The following CSMD1 variants were observed in gnomAD, a reference collection of about 807,000 sequenced individuals.
CSMD1 encodes the protein CUB and sushi domain-containing protein 1.
CSMD1 carries 213 observed loss-of-function variants against 417.5 expected under a neutral mutation model. The ratio of observed to expected loss-of-function variants is 0.51; its 90% CI spans 0.46 to 0.57. The LOEUF is 0.57. Among genes scored for constraint, CSMD1 ranks in the 20% least tolerant of loss-of-function variants. The pLI, the probability that CSMD1 is intolerant of heterozygous loss-of-function variation, is 0.00. For synonymous variants in CSMD1, 2,862 were observed against 1,736.8 expected (o/e 1.65, Z -16.11); for missense variants, 6,923 against 4,529.7 (o/e 1.53, Z -15.17).
intron 2 of CSMD1, among the ~76,000 whole-genome samples, chr8:4,611,200 C>A (rs1801149151): frequency 6.6e-6 from 1 of 152,106 alleles, no homozygotes; most frequent in African/African-American, 2.4e-5. Context: ...AGTGTATACA[C>A]AGTTTTTAAA....
chr8:3,617,034 T>C (rs1802174812), intron 7 of CSMD1, among the ~76,000 whole-genome samples: 1 of 152,180 alleles, frequency 6.6e-6, no homozygotes, highest in African/African-American at 2.4e-5. Context: ...CTCTCATTTT[T>C]AAGATGTCAA....
chr8:3,450,270 G>C (rs1392487250), intron 12 of CSMD1, among the ~76,000 whole-genome samples: 1 of 151,824 alleles, frequency 6.6e-6, no homozygotes, highest in Non-Finnish European at 1.5e-5. Context: ...AGGAGTTTCA[G>C]ATCTTCCTAC....
chr8:3,213,857 C>T (rs894036046), intron 30 of CSMD1, among the ~76,000 whole-genome samples: 1 of 146,108 alleles, frequency 6.8e-6, no homozygotes. Context: ...TATACATACA[C>T]ATATATATAT....
chr8:4,851,681 G>A (rs758096400), intron 1 of CSMD1, among the ~76,000 whole-genome samples: 3 of 152,052 alleles, frequency 2.0e-5, no homozygotes, highest in African/African-American at 7.2e-5. Context: ...TCCTCACTAA[G>A]AGTCCCATTG....
chr8:4,527,908 C>T (rs1347268912), intron 2 of CSMD1, among the ~76,000 whole-genome samples: 1 of 152,142 alleles, frequency 6.6e-6, no homozygotes, highest in Non-Finnish European at 1.5e-5. Context: ...AGGCAACCTA[C>T]AGGGCGTGCC....
At chr8:4,761,454 T>A (rs1812039179) in intron 1 of CSMD1, among the ~76,000 whole-genome samples, 1 of 152,186 alleles carries the variant, frequency 6.6e-6, no homozygotes, top group Admixed American at 6.5e-5. Context: ...AAATTTTACC[T>A]GTTTCCTTTA....
Position 4,768,815 on chromosome 8 carries a change from A to G in CSMD1, c.86-131257T>C, listed in dbSNP as rs1201238087. Among the ~76,000 whole-genome samples the G allele has an allele frequency of 3.3e-5, 5 of 152,186 alleles. 1 individual carries two copies. In the South Asian group the frequency reaches 6.2e-4, roughly 19 times the overall value. ...AGAGAGGAATTAATAAAACAAATGG[A>G]AATAGAAGCAGTTATTATTCATATG... On this transcript the variant is annotated intron_variant, in intron 1 of 69. Transcript: ENST00000635120.
chr8:3,086,999 CT>C, intron 49 of CSMD1, 97 bp downstream of exon 49: 13 of 1,124,918 alleles, frequency 1.2e-5, no homozygotes, highest in Non-Finnish European at 1.7e-5. Context: ...TTTTCCTTAC[CT>C]TTTATTCTTA....
intron 25 of CSMD1, among the ~76,000 whole-genome samples, chr8:3,289,368 T>C (rs1206607835): frequency 1.4e-5 from 2 of 147,296 alleles, no homozygotes; most frequent in East Asian, 2.0e-4. Flanking sequence ...GGTCAAATGG[T>C]ATTTCTAGTT....
At chr8:3,875,672 G>C (rs549780897) in intron 5 of CSMD1, among the ~76,000 whole-genome samples, 37 of 152,310 alleles carry the variant, frequency 2.4e-4, no homozygotes, top group African/African-American at 8.4e-4. Context: ...AATTCCAGGA[G>C]AGCAGCTCTG....
chr8:3,775,987 C>T (rs1207989059), intron 5 of CSMD1, among the ~76,000 whole-genome samples: 1 of 152,208 alleles, frequency 6.6e-6, no homozygotes, highest in African/African-American at 2.4e-5. Flanking sequence ...GCTTCCTCCT[C>T]AGAGCTTCAG....
At chr8:4,130,288 C>T (rs572042615) in intron 3 of CSMD1, among the ~76,000 whole-genome samples, 46 of 152,258 alleles carry the variant, frequency 3.0e-4, no homozygotes, top group South Asian at 1.2e-3. Flanking sequence ...ATTAGTTTAA[C>T]ATCTTTATTC....
chr8:3,795,211 C>T lies in CSMD1; in HGVS notation c.819-41169G>A, dbSNP rs868756577. 2.2e-3 allele frequency among the ~76,000 whole-genome samples: 156 copies of T among 71,944 alleles called. 27 individuals are homozygous for T. Among genetic ancestry groups the T allele is most frequent in the Admixed American group, 0.017 (107 of 6,478 alleles). 47.2% of individuals were successfully genotyped at this position (71,944 alleles called of 152,430 possible). A position where few individuals can be genotyped will look rare whatever the true frequency, so the allele number is the denominator to read the frequency against. On this transcript the variant is annotated intron_variant, in intron 5 of 69. Coordinates refer to ENST00000635120, the MANE Select transcript of CSMD1 (RefSeq NM_033225.6). ...TACCTATCATGTACAGATATAGATA[C>T]CTATCATGTACAGATATAGATATAT...
At chr8:3,204,233 T>C (rs181367187) in intron 31 of CSMD1, among the ~76,000 whole-genome samples, 7 of 152,320 alleles carry the variant, frequency 4.6e-5, no homozygotes, top group African/African-American at 1.4e-4. Context: ...ATGACTTCTT[T>C]AGCTGAAAAT....
At chr8:4,914,922 G>C (rs1180743517) in intron 1 of CSMD1, among the ~76,000 whole-genome samples, 2 of 152,128 alleles carry the variant, frequency 1.3e-5, no homozygotes, top group Admixed American at 6.5e-5. Context: ...AACAGGAACA[G>C]AACATTTATC....
chr8:4,676,642 C>G (rs1279978409), intron 1 of CSMD1, among the ~76,000 whole-genome samples: 3 of 152,114 alleles, frequency 2.0e-5, no homozygotes, highest in Non-Finnish European at 4.4e-5. Context: ...AATCTGTTTT[C>G]CAAGTTACAA....
chr8:4,025,563 G>C (rs1367676469), intron 4 of CSMD1, among the ~76,000 whole-genome samples: 1 of 152,098 alleles, frequency 6.6e-6, no homozygotes, highest in Non-Finnish European at 1.5e-5. Flanking sequence ...CCCCTAGACA[G>C]ACATCATGCC....
Position 2,935,416 on chromosome 8 carries a change from A to T in CSMD1, c.*3169T>A, listed in dbSNP as rs1036254425. On this transcript the variant is annotated 3_prime_UTR_variant, in exon 70 of 70. Coordinates refer to ENST00000635120, the MANE Select transcript of CSMD1 (RefSeq NM_033225.6). ...TTGCTTTAAAGATTGGTGGCATTGC[A>T]CAGGCTATATTACACCCTCTTTATA... 1.3e-5 allele frequency: 2 copies of T among 152,200 alleles called. No individual in the cohort carries two copies. Among genetic ancestry groups the T allele is most frequent in the African/African-American group, 4.8e-5 (2 of 41,450 alleles). The allele number at this position is 152,200 out of a possible 1,614,324, so 9.4% of individuals were successfully genotyped here.
chr8:3,292,593 G>T lies in CSMD1; in HGVS notation c.3951-8247C>A, dbSNP rs1311036456. 2.6e-5 allele frequency among the ~76,000 whole-genome samples: 4 copies of T among 152,094 alleles called. No individual in the cohort carries two copies. The South Asian group carries it at 6.2e-4, about 24-fold the overall frequency. On this transcript the variant is annotated intron_variant, in intron 25 of 69. Transcript: ENST00000635120. ...TTACCATTATGTAATGGCCTTCTTT[G>T]TCTCTTTTGATCTTTGTTGGTTTAA...
Sources: allele counts gnomAD v4.1 joint callset (sites outside exome capture counted in the v4.1 genomes callset), GRCh38; gene constraint gnomAD v4.1.1; transcripts MANE v1.5; gene names NCBI Gene and HGNC (gene_info 2026-07-23, HGNC 2026-07-21).